Variants in KIF21B observed in about 807,000 individuals in gnomAD.
KIF21B encodes the protein kinesin family member 21B.
Under a neutral mutation model 192.9 loss-of-function variants are expected in KIF21B, and 85 were observed. The observed-to-expected ratio is 0.44, with a 90% CI of 0.37 to 0.53. The LOEUF is 0.53. Ranked by LOEUF, KIF21B falls within the 20% of genes least tolerant of loss-of-function variation. KIF21B has a pLI of 0.00. For synonymous variants in KIF21B, 832 were observed against 884.6 expected (o/e 0.94, Z 1.05); for missense variants, 1,716 against 2,194.8 (o/e 0.78, Z 4.36).
rs767458974 is a variant in KIF21B, at chr1:200,991,024, T to A, written c.2580A>T (p.Glu860Asp). Residue 860 changes from glutamate to aspartate, a missense_variant, in exon 18 of 35, where the codon GAA becomes GAT. Coordinates refer to ENST00000461742, the MANE Select transcript of KIF21B (RefSeq NM_001252102.2). ...TGCTGGAGACAGAGCGGGCCCCTGA[T>A]TCAGCCTCAGATGAGGTAGTGCTGG... ...VSASTTSSEAESGARSVSSIV... is the reference protein window; with the variant it reads ...VSASTTSSEADSGARSVSSIV... 5.6e-6 allele frequency: 9 copies of A among 1,614,190 alleles called. No individual in the cohort carries two copies. The highest frequency in any genetic ancestry group is 7.6e-6 in the Non-Finnish European group (9 of 1,180,052).
At chr1:201,014,201 A>T (rs1023980984) in intron 1 of KIF21B, among the ~76,000 whole-genome samples, 2 of 152,228 alleles carry the variant, frequency 1.3e-5, no homozygotes, top group Admixed American at 6.5e-5. Context: ...TGATGTGGGA[A>T]GCCGTCCTCC....
intron 29 of KIF21B, 39 bp from the exon 30 acceptor site, chr1:200,979,754 T>A: frequency 6.8e-7 from 1 of 1,473,172 alleles, no homozygotes; most frequent in South Asian, 1.4e-5. Flanking sequence ...AGGGGAGGGA[T>A]GTCAGCCACT....
At chr1:201,009,088 A>T in intron 2 of KIF21B, 137 bp from the exon 3 acceptor site, 1 of 1,208,974 alleles carries the variant, frequency 8.3e-7, no homozygotes, top group Non-Finnish European at 1.1e-6. Context: ...CTGAAGCCAC[A>T]CTCTGGGGAA....
At chr1:201,004,973 C>T (rs753981848) in intron 5 of KIF21B, 40 bp from the exon 6 acceptor site, 3 of 1,576,632 alleles carry the variant, frequency 1.9e-6, no homozygotes, top group Non-Finnish European at 2.6e-6. Flanking sequence ...AGCCCTCGCC[C>T]ACCTCACTGG....
chr1:201,005,167 CA>C lies in KIF21B; in HGVS notation c.732+140del, dbSNP rs1156889593. Reference sequence around the variant, plus strand: ...ATTTTACAAATTGGGCAACAAGGCTCAAGAAAAATATAAAAATCAACAAATG... The same window carrying C: ...ATTTTACAAATTGGGCAACAAGGCTCAGAAAAATATAAAAATCAACAAATG... On this transcript the variant is annotated intron_variant, in intron 5 of 34. Transcript: ENST00000461742. 2.4e-6 allele frequency: 3 copies of C among 1,274,182 alleles called. No individual in the cohort carries two copies. In the Admixed American group the frequency reaches 7.5e-5, roughly 32 times the overall value. The allele number at this position is 1,274,182 out of a possible 1,614,324, so 78.9% of individuals were successfully genotyped here.
At position 200,996,128 on chromosome 1, in the gene KIF21B, T is replaced by C. The variant is rs1350919673; in HGVS notation, c.2277+68A>G. On this transcript the variant is annotated intron_variant, in intron 15 of 34. Transcript: ENST00000461742. ...TTGACAGCAATGATTATTTTTACGA[T>C]GGTGAGTGGATTCTAAGAAGATGTC... The C allele has an allele frequency of 2.8e-6, 4 of 1,416,456 alleles. No individual in the cohort carries two copies. The South Asian group carries it at 4.6e-5, about 16-fold the overall frequency. 87.7% of individuals were successfully genotyped at this position (1,416,456 alleles called of 1,614,324 possible). A position where few individuals can be genotyped will look rare whatever the true frequency, so the allele number is the denominator to read the frequency against.
At chr1:201,018,896 CAG>C (rs1343251888) in intron 1 of KIF21B, among the ~76,000 whole-genome samples, 3 of 152,190 alleles carry the variant, frequency 2.0e-5, no homozygotes, top group Non-Finnish European at 2.9e-5. Flanking sequence ...GCTTAAACTA[CAG>C]AGACATCTCT....
At chr1:200,988,694 C>T in intron 22 of KIF21B, 72 bp downstream of exon 22, 1 of 1,549,246 alleles carries the variant, frequency 6.5e-7, no homozygotes, top group Middle Eastern at 1.7e-4. Context: ...AAGTGAGGGC[C>T]TTGTGGGGGT....
intron 15 of KIF21B, among the ~76,000 whole-genome samples, chr1:200,995,059 C>T (rs989090618): frequency 6.6e-6 from 1 of 152,252 alleles, no homozygotes; most frequent in African/African-American, 2.4e-5. Context: ...GGACCTGCAG[C>T]CCAGGCTTGG....
At chr1:200,979,492 C>A (rs1268775654) in intron 30 of KIF21B, 43 bp downstream of exon 30, 2 of 1,473,964 alleles carry the variant, frequency 1.4e-6, no homozygotes, top group Admixed American at 2.2e-5. Context: ...CCCAACACAG[C>A]CTGCTGCAGC....
chr1:201,001,064 A>G (rs1468737973), intron 9 of KIF21B, among the ~76,000 whole-genome samples: 6 of 150,028 alleles, frequency 4.0e-5, no homozygotes, highest in African/African-American at 1.5e-4. Flanking sequence ...CCAAGATCAC[A>G]CCATTGCACT....
rs374440240 is a variant in KIF21B at position 200,999,863 on chromosome 1, G to A, written c.1767+20C>T. 21 of 1,611,690 alleles carry A rather than the reference G, an allele frequency of 1.3e-5. No individual in the cohort carries two copies. Among genetic ancestry groups the A allele is most frequent in the Non-Finnish European group, 1.7e-5 (20 of 1,179,092 alleles). On this transcript the variant is annotated intron_variant, in intron 12 of 34. Coordinates refer to ENST00000461742, the MANE Select transcript of KIF21B (RefSeq NM_001252102.2). This position sits in a 1 kb window ranked among gnomAD's most constrained non-coding sequence, Gnocchi z 4.7. ...CACAAGGCATGCATGTGGTGAGGTG[G>A]GGCGGCCCGTGCTCCTCACCTCCTC...
intron 1 of KIF21B, among the ~76,000 whole-genome samples, chr1:201,014,585 G>C (rs201954860): frequency 6.6e-6 from 1 of 152,202 alleles, no homozygotes; most frequent in Admixed American, 6.5e-5. Flanking sequence ...CCCTAGCCGG[G>C]CCTCATCCCC....
intron 14 of KIF21B, among the ~76,000 whole-genome samples, chr1:200,997,520 G>T (rs1288269201): frequency 1.3e-5 from 2 of 152,206 alleles, no homozygotes; most frequent in Non-Finnish European, 2.9e-5. Context: ...CAAGGAAGGC[G>T]GATCACAAGG....
Position 200,996,187 on chromosome 1 carries a change from G to T in KIF21B, c.2277+9C>A. ...TCCAGGCCCCACTCCTCACACCCTCGGCCCCTACCTTGGCCTTCTTCATCT... is the reference window on the plus strand; with the variant it reads ...TCCAGGCCCCACTCCTCACACCCTCTGCCCCTACCTTGGCCTTCTTCATCT... On this transcript the variant is annotated intron_variant, in intron 15 of 34. Coordinates refer to ENST00000461742, the MANE Select transcript of KIF21B (RefSeq NM_001252102.2). The T allele has an allele frequency of 1.2e-6, 2 of 1,612,342 alleles. No homozygotes were observed. The highest frequency in any genetic ancestry group is 1.7e-6 in the Non-Finnish European group (2 of 1,179,898).
chr1:200,977,399 G>A (rs756797187), intron 30 of KIF21B, 23 bp from the exon 31 acceptor site: 2 of 1,611,262 alleles, frequency 1.2e-6, no homozygotes, highest in Admixed American at 1.7e-5. Flanking sequence ...GAAAGGCAAG[G>A]CCAGAGGTCA....
rs1437383996 is a variant in KIF21B at position 200,998,402 on chromosome 1, G to T, written c.2059C>A (p.Arg687Ser). ...KIRDTQLERD[R>S]VLQNLSTMEC... ...GCCTCACTGAGGTTCTGCAGCACAC[G>T]GTCGCGCTCCAGCTGTGTGTCTCGG... is the stretch of plus-strand genomic sequence containing the variant. The change falls in exon 14 of 35, where the codon CGT (arginine) becomes AGT (serine). Residue 687 changes from arginine (R) to serine (S), a missense_variant. Physicochemically the swap from Arg to Ser is moderately radical, Grantham distance 110. This residue lies in a region of KIF21B where 1,087 missense variants were observed against 1,316.6 expected (regional missense o/e 0.83). Coordinates refer to ENST00000461742, the MANE Select transcript of KIF21B (RefSeq NM_001252102.2). The surrounding 1 kb of genome is among the most constrained non-coding windows in gnomAD (Gnocchi z 4.3). The T allele has an allele frequency of 6.2e-7, 1 of 1,613,068 alleles. No individual in the cohort carries two copies. The highest frequency in any genetic ancestry group is 8.5e-7 in the Non-Finnish European group (1 of 1,179,666).
rs1373617625 is a variant in KIF21B, at chr1:200,979,621, G to A, written c.4074C>T (p.Ser1358=). The A allele has an allele frequency of 1.9e-6, 3 of 1,591,034 alleles. No homozygotes were observed. Among genetic ancestry groups the A allele is most frequent in the Non-Finnish European group, 1.7e-6 (2 of 1,169,104 alleles). Residue 1358 remains serine (S), a synonymous_variant, in exon 30 of 35, where the codon AGC becomes AGT. Transcript: ENST00000461742. ...ACACGGAGAACACAAGCCCCGAGTG[G>A]CTGCAGTACTTGATGGAGACCACGT... ...PNNVVSIKYC[S]HSGLVFSVST...
intron 1 of KIF21B, 57 bp from the exon 2 acceptor site, chr1:201,009,545 G>A: frequency 6.7e-7 from 1 of 1,493,586 alleles, no homozygotes; most frequent in East Asian, 2.3e-5. Context: ...GCTGCCACAG[G>A]CCCCTCCCTC....
Sources: allele counts gnomAD v4.1 joint callset (sites outside exome capture counted in the v4.1 genomes callset), GRCh38; gene constraint gnomAD v4.1.1; regional missense constraint gnomAD v4.1.1; non-coding constraint Gnocchi (gnomAD v3.1); transcripts MANE v1.5; gene names NCBI Gene and HGNC (gene_info 2026-07-23, HGNC 2026-07-21).